GPR157: variants seen among roughly 807,000 people sequenced by gnomAD.
GPR157 encodes the protein G-protein coupled receptor 157.
GPR157 carries 16 observed loss-of-function variants against 23.5 expected under a neutral mutation model. The observed-to-expected ratio is 0.68, with a 90% CI of 0.46 to 1.04. The LOEUF (loss-of-function observed/expected upper bound fraction) is 1.04. GPR157 is among the 50% of genes least tolerant of loss of function. The pLI, the probability that GPR157 is intolerant of heterozygous loss-of-function variation, is 0.00. For missense variants in GPR157, 440 were observed against 460.7 expected (o/e 0.96, Z 0.41); for synonymous variants, 200 against 221.5 (o/e 0.90, Z 0.86).
chr1:9,120,664 G>A lies in GPR157; in HGVS notation c.383+7981C>T, dbSNP rs1638780130. ...ACTCTGCAGCTTTAACTGCAGAAGG[G>A]GAGAGGAATGTCTAAAGGAACTCGC... is the stretch of plus-strand genomic sequence containing the variant. On this transcript the variant is annotated intron_variant, in intron 1 of 3. Coordinates refer to ENST00000377411, the MANE Select transcript of GPR157 (RefSeq NM_024980.5). The surrounding 1 kb of genome is among the most constrained non-coding windows in gnomAD (Gnocchi z 4.1). Among the ~76,000 whole-genome samples, 1 of 152,124 alleles carries A rather than the reference G, an allele frequency of 6.6e-6. No individual in the cohort carries two copies. The highest frequency in any genetic ancestry group is 6.5e-5 in the Admixed American group (1 of 15,274).
intron 1 of GPR157, among the ~76,000 whole-genome samples, chr1:9,121,501 G>C (rs1033673411): frequency 6.6e-6 from 1 of 151,964 alleles, no homozygotes; most frequent in East Asian, 1.9e-4. Flanking sequence ...TTAGCCAGAC[G>C]TGGTGGTGTA....
intron 2 of GPR157, among the ~76,000 whole-genome samples, chr1:9,107,946 G>T (rs571199734): frequency 6.6e-6 from 1 of 151,978 alleles, no homozygotes; most frequent in Non-Finnish European, 1.5e-5. Flanking sequence ...AACAAAATTA[G>T]CCAGGTGTGG....
At position 9,101,457 on chromosome 1, in the gene GPR157, G is replaced by A. The variant is rs897256961; in HGVS notation, c.*2962C>T. 3.9e-5 allele frequency: 6 copies of A among 152,300 alleles called. No homozygotes were observed. The highest frequency in any genetic ancestry group is 3.9e-4 in the Admixed American group (6 of 15,280). The allele number at this position is 152,300 out of a possible 1,614,324, so 9.4% of individuals were successfully genotyped here. A position where few individuals can be genotyped will look rare whatever the true frequency, so the allele number is the denominator to read the frequency against. Reference sequence around the variant, plus strand: ...ACTTGGTAACTGGATCTAAGAAGGAGGCGATATTGCTGTTTTCGAGGTCGA... The same window carrying A: ...ACTTGGTAACTGGATCTAAGAAGGAAGCGATATTGCTGTTTTCGAGGTCGA... On this transcript the variant is annotated 3_prime_UTR_variant, in exon 4 of 4. Transcript: ENST00000377411.
rs1428803698 is a variant in GPR157 at position 9,103,674 on chromosome 1, G to A, written c.*745C>T. Reference sequence around the variant, plus strand: ...TGCCCTTGTTCCAGCTTTGGAATTGGAAGGAGGGAACCTGTGTCTGAAGTG... The same window carrying A: ...TGCCCTTGTTCCAGCTTTGGAATTGAAAGGAGGGAACCTGTGTCTGAAGTG... On this transcript the variant is annotated 3_prime_UTR_variant, in exon 4 of 4. Transcript: ENST00000377411. 6.6e-6 allele frequency: 1 copy of A among 152,272 alleles called. No homozygotes were observed. Among genetic ancestry groups the A allele is most frequent in the Non-Finnish European group, 1.5e-5 (1 of 68,088 alleles). The allele number at this position is 152,272 out of a possible 1,614,324, so 9.4% of individuals were successfully genotyped here. A position where few individuals can be genotyped will look rare whatever the true frequency, so the allele number is the denominator to read the frequency against.
chr1:9,104,796 T>C (rs1557693167), intron 3 of GPR157, among the ~76,000 whole-genome samples, 162 bp from the exon 4 acceptor site: 1 of 150,926 alleles, frequency 6.6e-6, no homozygotes, highest in East Asian at 1.9e-4. Flanking sequence ...AGGTCAGGAG[T>C]TGAAGATCAG....
At chr1:9,124,533 G>T (rs933727549) in intron 1 of GPR157, among the ~76,000 whole-genome samples, 5 of 152,108 alleles carry the variant, frequency 3.3e-5, no homozygotes, top group Admixed American at 6.6e-5. Context: ...GCCTATAAAC[G>T]GACTCATGGG....
chr1:9,101,742 T>C lies in GPR157; in HGVS notation c.*2677A>G, dbSNP rs1164469587. 1 of 152,222 alleles carries C rather than the reference T, an allele frequency of 6.6e-6. No homozygotes were observed. The allele number at this position is 152,222 out of a possible 1,614,324, so 9.4% of individuals were successfully genotyped here. ...AGCCCTCAGCTCCCTCTACAGGCCT[T>C]TCCTGACCACAGCCAGTCCATCTGG... On this transcript the variant is annotated 3_prime_UTR_variant, in exon 4 of 4. Transcript: ENST00000377411.
intron 1 of GPR157, among the ~76,000 whole-genome samples, chr1:9,122,380 T>C (rs952600854): frequency 6.6e-6 from 1 of 152,192 alleles, no homozygotes; most frequent in African/African-American, 2.4e-5. Context: ...TTCAAAATGC[T>C]GTCAGAATCA....
rs914672341 is a variant in GPR157 at position 9,105,247 on chromosome 1, G to A, written c.792+239C>T. Among the ~76,000 whole-genome samples, 1 of 151,938 alleles carries A rather than the reference G, an allele frequency of 6.6e-6. No individual in the cohort carries two copies. Among genetic ancestry groups the A allele is most frequent in the Non-Finnish European group, 1.5e-5 (1 of 67,990 alleles). ...ACCCAAGATCAGTCAACTCTCCTAG[G>A]GCTACTCCTAGGTCACTGGTGAGCA... On this transcript the variant is annotated intron_variant, in intron 3 of 3. Transcript: ENST00000377411. The surrounding 1 kb of genome is among the most constrained non-coding windows in gnomAD (Gnocchi z 4.8).
At chr1:9,110,702 G>A (rs1312792211) in intron 2 of GPR157, among the ~76,000 whole-genome samples, 1 of 152,152 alleles carries the variant, frequency 6.6e-6, no homozygotes, top group African/African-American at 2.4e-5. Context: ...GGTGTCAGAG[G>A]AAAGCCATTC....
At chr1:9,116,164 A>ATAATTATATTATTATATATATT (rs1638631926) in intron 1 of GPR157, among the ~76,000 whole-genome samples, 1 of 16,784 alleles carries the variant, frequency 6.0e-5, no homozygotes, top group Non-Finnish European at 1.1e-4. Context: ...ATATATATAT[A>ATAATTATATTATTATATATATT]ATATAATTAT....
chr1:9,121,930 A>T (rs1638805679), intron 1 of GPR157, among the ~76,000 whole-genome samples: 1 of 152,102 alleles, frequency 6.6e-6, no homozygotes, highest in East Asian at 1.9e-4. Context: ...CTCGGCCAGG[A>T]CGCTTCCTTC....
In GPR157 at chr1:9,128,749, G is replaced by T. The variant is rs149611641; in HGVS notation, c.279C>A (p.Ser93=). The T allele has an allele frequency of 1.5e-5, 24 of 1,613,172 alleles. No homozygotes were observed. Among genetic ancestry groups the T allele is most frequent in the Non-Finnish European group, 1.9e-5 (23 of 1,179,766 alleles). Residue 93 remains serine (S), a synonymous_variant, in exon 1 of 4, where the codon TCC becomes TCA. Coordinates refer to ENST00000377411, the MANE Select transcript of GPR157 (RefSeq NM_024980.5). This position sits in a 1 kb window ranked among gnomAD's most constrained non-coding sequence, Gnocchi z 6.3. ...GALSTFANTS[S]FFWTVAIALY... is the part of the protein sequence containing the mutation. ...GCGCAATGGCCACGGTCCAGAAGAA[G>T]GAGCTGGTGTTGGCGAAGGTGGACA...
Position 9,116,348 on chromosome 1 carries a change from A to AT in GPR157, c.384-4860_384-4859insA, listed in dbSNP as rs1245174968. The stretch of plus-strand genomic sequence containing the variant: ...TATAAATTATATATAATTTATATAT[A>AT]ATTATATATAAATTATATATATATA... On this transcript the variant is annotated intron_variant, in intron 1 of 3. Coordinates refer to ENST00000377411, the MANE Select transcript of GPR157 (RefSeq NM_024980.5). Among the ~76,000 whole-genome samples the AT allele has an allele frequency of 2.2e-3, 45 of 20,448 alleles. 2 individuals carry two copies. The highest frequency in any genetic ancestry group is 6.0e-3 in the African/African-American group (16 of 2,658). 13.4% of individuals were successfully genotyped at this position (20,448 alleles called of 152,430 possible).
At chr1:9,116,202 T>TATATTTATATTATATATATTCTATATA (rs1553175052) in intron 1 of GPR157, among the ~76,000 whole-genome samples, 1 of 15,694 alleles carries the variant, frequency 6.4e-5, no homozygotes, top group Non-Finnish European at 8.8e-5. Context: ...TATAATTATA[T>TATATTTATATTATATATATTCTATATA]ATATAATTAT....
chr1:9,128,116 C>G lies in GPR157; in HGVS notation c.383+529G>C, dbSNP rs1259319986. ...GCTGGGGCCTGAGGCTAGAAACGAC[C>G]AAAGACAGAATAAAAAGCACAGTCC... On this transcript the variant is annotated intron_variant, in intron 1 of 3. Transcript: ENST00000377411. This position sits in a 1 kb window ranked among gnomAD's most constrained non-coding sequence, Gnocchi z 6.3. 5.5e-6 allele frequency: 2 copies of G among 360,994 alleles called. No homozygotes were observed. The highest frequency in any genetic ancestry group is 2.0e-5 in the South Asian group (1 of 49,250). The allele number at this position is 360,994 out of a possible 1,614,324, so 22.4% of individuals were successfully genotyped here.
chr1:9,109,697 AAAG>A (rs911997099), intron 2 of GPR157, among the ~76,000 whole-genome samples: 49 of 152,218 alleles, frequency 3.2e-4, no homozygotes, highest in African/African-American at 1.1e-3. Flanking sequence ...CCCAGTCCAA[AAAG>A]AAGATTTCAG....
At chr1:9,116,329 T>TAATTATATATATAATA (rs1458265780) in intron 1 of GPR157, among the ~76,000 whole-genome samples, 1 of 35,268 alleles carries the variant, frequency 2.8e-5, no homozygotes, top group African/African-American at 1.9e-4. Flanking sequence ...TATATATAAA[T>TAATTATATATATAATA]TATATATAAT....
At position 9,118,572 on chromosome 1, in the gene GPR157, C is replaced by A. The variant is rs947403451; in HGVS notation, c.384-7083G>T. Among the ~76,000 whole-genome samples, 1 of 152,194 alleles carries A rather than the reference C, an allele frequency of 6.6e-6. No homozygotes were observed. The highest frequency in any genetic ancestry group is 2.4e-5 in the African/African-American group (1 of 41,436). ...ACTCCAAGTCGGCTTCCTTCCCACT[C>A]AGAGGCCGTTAAGGGTTCAATTGTG... On this transcript the variant is annotated intron_variant, in intron 1 of 3. Coordinates refer to ENST00000377411, the MANE Select transcript of GPR157 (RefSeq NM_024980.5). This position sits in a 1 kb window ranked among gnomAD's most constrained non-coding sequence, Gnocchi z 4.6.
Sources: gnomAD v4.1 joint callset for allele counts (sites outside exome capture counted in the v4.1 genomes callset) on GRCh38, gnomAD v4.1.1 for gene constraint, Gnocchi (gnomAD v3.1) non-coding constraint, MANE v1.5 for transcripts, NCBI Gene and HGNC (gene_info 2026-07-23, HGNC 2026-07-21) for gene names.